Variants in DDAH1 observed in about 807,000 individuals in gnomAD.
DDAH1 encodes dimethylarginine dimethylaminohydrolase 1.
DDAH1 carries 19 observed loss-of-function variants against 28.8 expected under a neutral mutation model. The observed-to-expected ratio is 0.66, with a 90% confidence interval of 0.46 to 0.97. DDAH1 has a LOEUF of 0.97. Among genes scored for constraint, DDAH1 ranks in the 50% least tolerant of loss-of-function variants. The pLI is 0.00. For missense variants in DDAH1, 326 were observed against 375.9 expected (o/e 0.87, Z 1.10); for synonymous variants, 153 against 154.4 (o/e 0.99, Z 0.07).
intron 1 of DDAH1, among the ~76,000 whole-genome samples, chr1:85,460,155 T>C (rs762576462): frequency 3.0e-4 from 46 of 152,332 alleles, no homozygotes; most frequent in Non-Finnish European, 5.6e-4. Flanking sequence ...AACTTGGCAT[T>C]TGTTAGCTAT....
chr1:85,466,540 C>T (rs1459036641), upstream of DDAH1, among the ~76,000 whole-genome samples: 2 of 152,198 alleles, frequency 1.3e-5, no homozygotes, highest in African/African-American at 2.4e-5. Context: ...TGAGCTACCA[C>T]GCCCTGCCCA....
chr1:85,522,193 C>T (rs576424576), intron 1 of DDAH1, among the ~76,000 whole-genome samples: 11 of 10,784 alleles, frequency 1.0e-3, no homozygotes, highest in South Asian at 0.01. Context: ...GATGATACTA[C>T]ATTCATTGGA....
chr1:85,546,104 C>G (rs1434140757), intron 1 of DDAH1, among the ~76,000 whole-genome samples: 3 of 148,918 alleles, frequency 2.0e-5, no homozygotes, highest in Admixed American at 6.8e-5. Flanking sequence ...TTTATGACTA[C>G]TATTTGCTAT....
At chr1:85,508,042 T>G (rs566153045) in intron 1 of DDAH1, among the ~76,000 whole-genome samples, 1 of 152,196 alleles carries the variant, frequency 6.6e-6, no homozygotes, top group East Asian at 1.9e-4. Flanking sequence ...ATAATACAAA[T>G]TTGTCCCGTA....
At chr1:85,384,938 C>T (rs1038224017) in intron 1 of DDAH1, among the ~76,000 whole-genome samples, 3 of 152,196 alleles carry the variant, frequency 2.0e-5, no homozygotes, top group Non-Finnish European at 2.9e-5. Context: ...AGCTCTGATA[C>T]AACCTTAACT....
intron 1 of DDAH1, among the ~76,000 whole-genome samples, chr1:85,390,552 G>A (rs1364446058): frequency 6.6e-6 from 1 of 152,106 alleles, no homozygotes; most frequent in East Asian, 1.9e-4. Context: ...TGGGGTTGGG[G>A]AACACATGGA....
Position 85,464,725 on chromosome 1 carries a change from C to T in DDAH1, c.303+18G>A. The T allele has an allele frequency of 1.3e-6, 2 of 1,484,080 alleles. No homozygotes were observed. Among genetic ancestry groups the T allele is most frequent in the Non-Finnish European group, 1.8e-6 (2 of 1,126,328 alleles). 91.9% of individuals were successfully genotyped at this position (1,484,080 alleles called of 1,614,324 possible). On this transcript the variant is annotated intron_variant, in intron 1 of 5. Transcript: ENST00000284031. The surrounding 1 kb of genome is among the most constrained non-coding windows in gnomAD (Gnocchi z 4.4). ...GCCTGGCGCGCGCCCCGGCCGCGCCCCTCGAGTCGGCAGTTACCTCCTTCC... is the reference window on the plus strand; with the variant it reads ...GCCTGGCGCGCGCCCCGGCCGCGCCTCTCGAGTCGGCAGTTACCTCCTTCC...
intron 1 of DDAH1, among the ~76,000 whole-genome samples, chr1:85,392,495 T>C (rs2100557384): frequency 6.6e-6 from 1 of 152,152 alleles, no homozygotes; most frequent in South Asian, 2.1e-4. Flanking sequence ...TGAGCTCTTG[T>C]TAGAAAATGA....
Position 85,321,447 on chromosome 1 carries a change from G to A in DDAH1, c.*5C>T. 2.5e-6 allele frequency: 4 copies of A among 1,603,254 alleles called. No individual in the cohort carries two copies. Among genetic ancestry groups the A allele is most frequent in the Non-Finnish European group, 3.4e-6 (4 of 1,170,164 alleles). On this transcript the variant is annotated 3_prime_UTR_variant, in exon 6 of 6. Coordinates refer to ENST00000284031, the MANE Select transcript of DDAH1 (RefSeq NM_012137.4). ...CTTGCCGGCTACCGGGGGGGACTCT[G>A]CAGCTCAGGAGTCTACTTTCTTGTT...
chr1:85,327,517 T>A (rs1490493755), intron 4 of DDAH1, among the ~76,000 whole-genome samples: 13 of 152,134 alleles, frequency 8.5e-5, no homozygotes, highest in Admixed American at 3.9e-4. Flanking sequence ...AAGGACAAAT[T>A]TTACTATGAG....
chr1:85,464,457 A>G lies in DDAH1; in HGVS notation c.303+286T>C, dbSNP rs1223400675. 1 of 1,494,056 alleles carries G rather than the reference A, an allele frequency of 6.7e-7. No individual in the cohort carries two copies. Among genetic ancestry groups the G allele is most frequent in the Non-Finnish European group, 8.9e-7 (1 of 1,118,656 alleles). The allele number at this position is 1,494,056 out of a possible 1,614,324, so 92.5% of individuals were successfully genotyped here. The stretch of plus-strand genomic sequence containing the variant: ...CGTCGCTGCCGTTTAATTTTCACAA[A>G]TAAAAATGCCCGTGAGACGGAATCC... On this transcript the variant is annotated intron_variant, in intron 1 of 5. Transcript: ENST00000284031. The surrounding 1 kb of genome is among the most constrained non-coding windows in gnomAD (Gnocchi z 4.4).
chr1:85,431,218 A>T (rs1018794279), intron 1 of DDAH1, among the ~76,000 whole-genome samples: 9 of 152,176 alleles, frequency 5.9e-5, no homozygotes, highest in African/African-American at 2.2e-4. Context: ...ATGTTGAACC[A>T]GCCTTGCATC....
intron 1 of DDAH1, chr1:85,399,857 T>C (rs1279893993): frequency 3.3e-5 from 5 of 152,204 alleles, no homozygotes; most frequent in Non-Finnish European, 5.9e-5. Flanking sequence ...GCCCTTTCTG[T>C]CTATAAAACC....
At chr1:85,552,967 G>A (rs1326618764) in intron 1 of DDAH1, among the ~76,000 whole-genome samples, 2 of 152,000 alleles carry the variant, frequency 1.3e-5, no homozygotes, top group East Asian at 3.9e-4. Flanking sequence ...GACTTTTGAG[G>A]CTAGATGAGA....
At chr1:85,329,985 T>C (rs919433308) in intron 4 of DDAH1, among the ~76,000 whole-genome samples, 3 of 152,244 alleles carry the variant, frequency 2.0e-5, no homozygotes, top group Admixed American at 6.5e-5. Context: ...ATTTTGTCTT[T>C]CGAGGCAAAG....
At chr1:85,444,216 T>C (rs12038279) in intron 1 of DDAH1, among the ~76,000 whole-genome samples, 2,581 of 152,326 alleles carry the variant, frequency 0.017, 71 homozygotes, top group East Asian at 0.12. Flanking sequence ...TGAGAGTTTT[T>C]AGCATGAAGG....
At chr1:85,527,379 C>T (rs1657908752) in intron 1 of DDAH1, among the ~76,000 whole-genome samples, 2 of 152,184 alleles carry the variant, frequency 1.3e-5, no homozygotes, top group Admixed American at 1.3e-4. Flanking sequence ...AAGAAACCAA[C>T]CTTTTCAGGA....
intron 1 of DDAH1, among the ~76,000 whole-genome samples, chr1:85,524,608 A>C (rs2100766410): frequency 6.6e-6 from 1 of 152,238 alleles, no homozygotes; most frequent in East Asian, 1.9e-4. Context: ...TTACATCATC[A>C]AGCCTGATAA....
chr1:85,501,476 C>A (rs1656816478), intron 1 of DDAH1, among the ~76,000 whole-genome samples: 1 of 152,148 alleles, frequency 6.6e-6, no homozygotes. Flanking sequence ...AAGTGAGAAG[C>A]TTAGCATTTG....
Sources: allele counts gnomAD v4.1 joint callset (sites outside exome capture counted in the v4.1 genomes callset), GRCh38; gene constraint gnomAD v4.1.1; non-coding constraint Gnocchi (gnomAD v3.1); transcripts MANE v1.5; gene names NCBI Gene and HGNC (gene_info 2026-07-23, HGNC 2026-07-21).